The following PTP4A2 variants were observed in gnomAD, a reference collection of about 807,000 sequenced individuals.
The protein encoded by PTP4A2 is protein tyrosine phosphatase type IVA 2.
Under a neutral mutation model 22.9 loss-of-function variants are expected in PTP4A2, and 2 were observed. The observed-to-expected ratio is 0.09, with a 90% CI of 0.04 to 0.27. The LOEUF (loss-of-function observed/expected upper bound fraction) is 0.27, where lower values mean the gene tolerates loss of function less well. Ranked by LOEUF, PTP4A2 falls within the 10% of genes least tolerant of loss-of-function variation. The probability of loss-of-function intolerance (pLI) is 1.00; values close to 1 mark genes in which losing one functional copy is unlikely to be tolerated. For missense variants in PTP4A2, 103 were observed against 205.1 expected (o/e 0.50, Z 3.04); for synonymous variants, 68 against 69.1 (o/e 0.98, Z 0.08).
chr1:31,924,262 T>C (rs938054902), intron 1 of PTP4A2: 6 of 152,280 alleles, frequency 3.9e-5, no homozygotes, highest in African/African-American at 1.2e-4. Flanking sequence ...ATTATTAAGA[T>C]TTTCAATTCT....
At position 31,938,334 on chromosome 1, in the gene PTP4A2, C is replaced by T. The variant is rs1314658684; in HGVS notation, c.-941G>A. The stretch of plus-strand genomic sequence containing the variant: ...AGACGACGGTTACAGCCCGGCCGAT[C>T]GCGCCGCCACCACCACCGCTGCGCG... On this transcript the variant is annotated 5_prime_UTR_variant, in exon 1 of 6. Coordinates refer to ENST00000647444, the MANE Select transcript of PTP4A2 (RefSeq NM_080391.4). This position sits in a 1 kb window ranked among gnomAD's most constrained non-coding sequence, Gnocchi z 4.4. 6.7e-6 allele frequency: 1 copy of T among 149,096 alleles called. No homozygotes were observed. The highest frequency in any genetic ancestry group is 2.4e-5 in the African/African-American group (1 of 41,008). The allele number at this position is 149,096 out of a possible 1,614,324, so 9.2% of individuals were successfully genotyped here. A position where few individuals can be genotyped will look rare whatever the true frequency, so the allele number is the denominator to read the frequency against.
rs1651248987 is a variant in PTP4A2 at position 31,907,591 on chromosome 1, C to G, written c.*1261G>C. 2 of 151,638 alleles carry G rather than the reference C, an allele frequency of 1.3e-5. No individual in the cohort carries two copies. Among genetic ancestry groups the G allele is most frequent in the South Asian group, 4.2e-4 (2 of 4,790 alleles). 9.4% of individuals were successfully genotyped at this position (151,638 alleles called of 1,614,324 possible). On this transcript the variant is annotated 3_prime_UTR_variant, in exon 6 of 6. Coordinates refer to ENST00000647444, the MANE Select transcript of PTP4A2 (RefSeq NM_080391.4). ...TTTTTTTTTTTTAATCTCAAAAAAC[C>G]TAGTAATAACAAGGCAATCAGTGGT... is the stretch of plus-strand genomic sequence containing the variant.
chr1:31,910,329 C>T (rs2124139082), intron 4 of PTP4A2: 2 of 437,086 alleles, frequency 4.6e-6, no homozygotes, highest in South Asian at 3.1e-5. Flanking sequence ...CGCTCTATCA[C>T]CCAGGCCAGA....
intron 1 of PTP4A2, among the ~76,000 whole-genome samples, chr1:31,930,588 T>C (rs559808222): frequency 3.3e-5 from 5 of 152,324 alleles, no homozygotes; most frequent in African/African-American, 1.2e-4. Flanking sequence ...GGCACTCTGA[T>C]CCAAGTTTCC....
At chr1:31,912,412 G>C (rs2124150976) in intron 3 of PTP4A2, among the ~76,000 whole-genome samples, 1 of 152,308 alleles carries the variant, frequency 6.6e-6, no homozygotes, top group African/African-American at 2.4e-5. Context: ...TTTTTAAAGT[G>C]CTTACTAAAT....
At chr1:31,930,062 G>A (rs1035060052) in intron 1 of PTP4A2, among the ~76,000 whole-genome samples, 5 of 152,290 alleles carry the variant, frequency 3.3e-5, no homozygotes, top group African/African-American at 1.2e-4. Flanking sequence ...TCTCGGGCCG[G>A]GCGTGGTGGC....
chr1:31,911,861 T>C lies in PTP4A2; in HGVS notation c.190-35A>G, dbSNP rs761056718. Reference sequence around the variant, plus strand: ...AATGACCTTTTACATTAAATTGATATTTTCTCCATGATTAACATCCTAATA... The same window carrying C: ...AATGACCTTTTACATTAAATTGATACTTTCTCCATGATTAACATCCTAATA... On this transcript the variant is annotated intron_variant, in intron 3 of 5. Coordinates refer to ENST00000647444, the MANE Select transcript of PTP4A2 (RefSeq NM_080391.4). The C allele has an allele frequency of 1.3e-5, 20 of 1,515,596 alleles. No individual in the cohort carries two copies. In the South Asian group the frequency reaches 1.8e-4, roughly 14 times the overall value. The allele number at this position is 1,515,596 out of a possible 1,614,324, so 93.9% of individuals were successfully genotyped here.
chr1:31,917,840 GGC>G (rs999201260), intron 2 of PTP4A2, among the ~76,000 whole-genome samples: 1 of 151,620 alleles, frequency 6.6e-6, no homozygotes, highest in African/African-American at 2.4e-5. Flanking sequence ...TGGGTGTGGT[GGC>G]GCGCGCCTGT....
intron 3 of PTP4A2, chr1:31,913,006 A>T: frequency 4.4e-6 from 2 of 455,364 alleles, no homozygotes; most frequent in South Asian, 3.1e-5. Flanking sequence ...ACTTCCTCTA[A>T]TACTCCCTAA....
chr1:31,925,520 C>G (rs563768915), intron 1 of PTP4A2, among the ~76,000 whole-genome samples: 1 of 152,048 alleles, frequency 6.6e-6, no homozygotes, highest in African/African-American at 2.4e-5. Flanking sequence ...TTTGGGAGGC[C>G]GAGTTGGGCA....
rs1446101071 is a variant in PTP4A2 at position 31,908,295 on chromosome 1, G to A, written c.*557C>T. On this transcript the variant is annotated 3_prime_UTR_variant, in exon 6 of 6. Transcript: ENST00000647444. ...TGGGCTTAAGGCTGCCAGACTGCAC[G>A]CACATCTACAGCAACAAGGGCTTCT... The A allele has an allele frequency of 7.6e-6, 1 of 130,994 alleles. No homozygotes were observed. The highest frequency in any genetic ancestry group is 1.6e-5 in the Non-Finnish European group (1 of 62,500). 8.1% of individuals were successfully genotyped at this position (130,994 alleles called of 1,614,324 possible). A position where few individuals can be genotyped will look rare whatever the true frequency, so the allele number is the denominator to read the frequency against.
chr1:31,934,071 A>C (rs1468097063), intron 1 of PTP4A2: 7 of 152,162 alleles, frequency 4.6e-5, no homozygotes, highest in Admixed American at 3.3e-4. Context: ...CAGCCTGGCC[A>C]ACATTATGAA....
In PTP4A2 at chr1:31,911,684, G is replaced by A; in HGVS notation, c.320+12C>T. The A allele has an allele frequency of 6.4e-7, 1 of 1,564,002 alleles. No homozygotes were observed. Among genetic ancestry groups the A allele is most frequent in the Non-Finnish European group, 8.6e-7 (1 of 1,161,046 alleles). ...AATTCAGACAAAAAGGGTAATAAAG[G>A]TAAGAGTTTACCTTCCCAATCCTGC... On this transcript the variant is annotated intron_variant, in intron 4 of 5. Coordinates refer to ENST00000647444, the MANE Select transcript of PTP4A2 (RefSeq NM_080391.4).
chr1:31,932,725 T>G (rs1652773914), intron 1 of PTP4A2: 1 of 152,256 alleles, frequency 6.6e-6, no homozygotes, highest in Admixed American at 6.5e-5. Flanking sequence ...CAGCTAGTAT[T>G]GCTGTGCAGC....
intron 3 of PTP4A2, chr1:31,912,882 G>A (rs1451838964): frequency 1.1e-5 from 4 of 363,280 alleles, no homozygotes; most frequent in African/African-American, 8.5e-5. Flanking sequence ...AGCCAAAACA[G>A]TACATGATTG....
At chr1:31,928,279 T>C (rs1025840405) in intron 1 of PTP4A2, among the ~76,000 whole-genome samples, 2 of 149,184 alleles carry the variant, frequency 1.3e-5, no homozygotes, top group Non-Finnish European at 3.0e-5. Flanking sequence ...AATATTAATA[T>C]CCCTCCTTAC....
intron 1 of PTP4A2, among the ~76,000 whole-genome samples, chr1:31,922,679 A>T (rs914736993): frequency 1.3e-5 from 2 of 150,978 alleles, no homozygotes; most frequent in African/African-American, 4.9e-5. Context: ...ACCCAGGCTG[A>T]GTGCAGTGGC....
chr1:31,927,163 C>T (rs891502070), intron 1 of PTP4A2, among the ~76,000 whole-genome samples: 5 of 152,154 alleles, frequency 3.3e-5, no homozygotes, highest in African/African-American at 7.2e-5. Context: ...AGAGTGACAA[C>T]TCAAAGCCAT....
At chr1:31,915,836 A>G in intron 3 of PTP4A2, 59 bp downstream of exon 3, 1 of 1,179,934 alleles carries the variant, frequency 8.5e-7, no homozygotes. Flanking sequence ...CTAGTTTTAT[A>G]AATATTTATG....
Sources: allele counts gnomAD v4.1 joint callset (sites outside exome capture counted in the v4.1 genomes callset), GRCh38; gene constraint gnomAD v4.1.1; non-coding constraint Gnocchi (gnomAD v3.1); transcripts MANE v1.5; gene names NCBI Gene and HGNC (gene_info 2026-07-23, HGNC 2026-07-21).